The following ASTN2 variants were observed in gnomAD, a reference collection of about 807,000 sequenced individuals.
ASTN2 encodes astrotactin-2.
Under a neutral mutation model 139.8 loss-of-function variants are expected in ASTN2, and 54 were observed. The ratio of observed to expected loss-of-function variants is 0.39; its 90% CI spans 0.31 to 0.48. The LOEUF (loss-of-function observed/expected upper bound fraction) is 0.48, where lower values mean the gene tolerates loss of function less well. Ranked by LOEUF, ASTN2 falls within the 20% of genes least tolerant of loss-of-function variation. The pLI is 0.95. For missense variants in ASTN2, 1,565 were observed against 1,725.1 expected (o/e 0.91, Z 1.64); for synonymous variants, 756 against 719.5 (o/e 1.05, Z -0.81).
chr9:116,785,598 C>T (rs1830350150), intron 13 of ASTN2, among the ~76,000 whole-genome samples: 1 of 152,202 alleles, frequency 6.6e-6, no homozygotes. Flanking sequence ...CCTGCTCCTC[C>T]TGTGGGCTTT....
At chr9:116,641,748 T>G (rs1187645973) in intron 17 of ASTN2, among the ~76,000 whole-genome samples, 1 of 152,166 alleles carries the variant, frequency 6.6e-6, no homozygotes, top group Non-Finnish European at 1.5e-5. Flanking sequence ...GAAAGAGCTA[T>G]GTTTTCCAGT....
At chr9:116,750,509 A>C (rs1829368191) in intron 13 of ASTN2, among the ~76,000 whole-genome samples, 1 of 151,938 alleles carries the variant, frequency 6.6e-6, no homozygotes, top group African/African-American at 2.4e-5. Flanking sequence ...CTGCTACAGT[A>C]GAAGAAAATC....
intron 1 of ASTN2, among the ~76,000 whole-genome samples, chr9:117,381,233 A>G (rs922358731): frequency 2.6e-5 from 4 of 152,204 alleles, no homozygotes; most frequent in Non-Finnish European, 5.9e-5. Context: ...CATGGGGAAA[A>G]GAGGAGTGAC....
chr9:116,805,169 GAA>G (rs1454193784), intron 13 of ASTN2, among the ~76,000 whole-genome samples: 3 of 151,396 alleles, frequency 2.0e-5, no homozygotes, highest in Admixed American at 6.6e-5. Context: ...AACAGAGAGA[GAA>G]AGAGAGAAGT....
chr9:116,678,573 AACCT>A (rs1859644057), intron 16 of ASTN2, among the ~76,000 whole-genome samples: 1 of 152,172 alleles, frequency 6.6e-6, no homozygotes, highest in Non-Finnish European at 1.5e-5. Context: ...AGATTGTCTT[AACCT>A]ACAAGTGTAA....
At chr9:117,067,660 G>T (rs1369128993) in intron 5 of ASTN2, among the ~76,000 whole-genome samples, 2 of 139,824 alleles carry the variant, frequency 1.4e-5, no homozygotes, top group Admixed American at 1.4e-4. Context: ...TCTTCCATTT[G>T]TTTGTATCCT....
chr9:117,223,331 G>T (rs1171539041), intron 2 of ASTN2, among the ~76,000 whole-genome samples: 3 of 152,112 alleles, frequency 2.0e-5, no homozygotes, highest in Non-Finnish European at 4.4e-5. Flanking sequence ...AGAAGCCAGG[G>T]AATCTGTAAA....
At chr9:116,789,441 T>C (rs1830473081) in intron 13 of ASTN2, among the ~76,000 whole-genome samples, 1 of 152,208 alleles carries the variant, frequency 6.6e-6, no homozygotes, top group Non-Finnish European at 1.5e-5. Flanking sequence ...AAATAAATGC[T>C]CATTTTGGAC....
At chr9:117,093,039 G>A (rs1392310915) in intron 5 of ASTN2, among the ~76,000 whole-genome samples, 1 of 152,154 alleles carries the variant, frequency 6.6e-6, no homozygotes, top group Non-Finnish European at 1.5e-5. Context: ...TGGAAGCCAG[G>A]TATATCCCAA....
intron 6 of ASTN2, 55 bp from the exon 7 acceptor site, chr9:117,008,314 A>G: frequency 6.8e-7 from 1 of 1,477,274 alleles, no homozygotes; most frequent in Non-Finnish European, 9.1e-7. Flanking sequence ...GTCTTAGCTG[A>G]TGCTACAGAA....
At chr9:117,190,332 T>C (rs145994335) in intron 3 of ASTN2, among the ~76,000 whole-genome samples, 297 of 152,296 alleles carry the variant, frequency 2.0e-3, no homozygotes, top group Middle Eastern at 3.4e-3. Context: ...CAAAACATTA[T>C]GTAGGGGCTA....
At chr9:116,607,134 G>A (rs1351330198) in intron 19 of ASTN2, among the ~76,000 whole-genome samples, 2 of 152,184 alleles carry the variant, frequency 1.3e-5, no homozygotes, top group African/African-American at 4.8e-5. Context: ...CATGTACTCA[G>A]CTAGGTTGTA....
At chr9:116,975,187 G>A (rs1477624374) in intron 10 of ASTN2, 21 bp downstream of exon 10, 7 of 1,599,980 alleles carry the variant, frequency 4.4e-6, no homozygotes, top group Non-Finnish European at 6.0e-6. Flanking sequence ...CCTATGCAGA[G>A]TACTGGAGAT....
chr9:117,112,601 C>A (rs1829277787), intron 4 of ASTN2, among the ~76,000 whole-genome samples: 1 of 152,092 alleles, frequency 6.6e-6, no homozygotes, highest in Non-Finnish European at 1.5e-5. Context: ...ACCATATACA[C>A]ATATTAACTC....
intron 20 of ASTN2, among the ~76,000 whole-genome samples, chr9:116,463,325 T>C (rs1848549873): frequency 6.6e-6 from 1 of 152,112 alleles, no homozygotes; most frequent in Non-Finnish European, 1.5e-5. Flanking sequence ...ACCTCAAAGC[T>C]CTTCGATCTC....
intron 10 of ASTN2, among the ~76,000 whole-genome samples, chr9:116,907,218 G>T (rs1834185509): frequency 6.6e-6 from 1 of 152,202 alleles, no homozygotes; most frequent in East Asian, 1.9e-4. Context: ...AGAGTAGGTT[G>T]TAGAGTCAGT....
intron 2 of ASTN2, among the ~76,000 whole-genome samples, chr9:117,227,039 A>T (rs182411421): frequency 6.6e-6 from 1 of 152,200 alleles, no homozygotes; most frequent in Admixed American, 6.5e-5. Flanking sequence ...TCATATGGGG[A>T]GGGAGCTTCT....
At chr9:117,365,223 GAA>G (rs1281756389) in intron 1 of ASTN2, among the ~76,000 whole-genome samples, 3 of 121,466 alleles carry the variant, frequency 2.5e-5, no homozygotes, top group Admixed American at 8.6e-5. Context: ...AGGAAGGAAG[GAA>G]AAAGAAAGCA....
At chr9:116,441,426 G>T (rs926015132) in intron 21 of ASTN2, among the ~76,000 whole-genome samples, 1 of 109,780 alleles carries the variant, frequency 9.1e-6, no homozygotes, top group African/African-American at 2.9e-5. Flanking sequence ...GCTGCTAGGA[G>T]AATCTGGAAA....
Sources: gnomAD v4.1 joint callset for allele counts (sites outside exome capture counted in the v4.1 genomes callset) on GRCh38, gnomAD v4.1.1 for gene constraint, MANE v1.5 for transcripts, NCBI Gene and HGNC (gene_info 2026-07-23, HGNC 2026-07-21) for gene names.